GTPBP10: variants seen among roughly 807,000 people sequenced by gnomAD.
GTPBP10 encodes GTP binding protein 10, also known as GTP-binding protein 10.
In GTPBP10, 38 loss-of-function variants were observed where a neutral mutation model predicts 44.8. The observed-to-expected ratio is 0.85, with a 90% CI of 0.65 to 1.11. GTPBP10 has a LOEUF of 1.11. GTPBP10 is among the 50% of genes most tolerant of loss of function. The pLI is 0.00. For synonymous variants in GTPBP10, 152 were observed against 150.6 expected, an observed-to-expected ratio of 1.01 and a Z score of -0.07; for missense variants, 462 against 453.7, an observed-to-expected ratio of 1.02 and a Z score of -0.17.
chr7:90,369,220 G>T (rs1796202165), intron 4 of GTPBP10, among the ~76,000 whole-genome samples: 1 of 152,156 alleles, frequency 6.6e-6, no homozygotes, highest in Non-Finnish European at 1.5e-5. Context: ...GCCCCTACTG[G>T]GAGGTGTCTC....
chr7:90,370,784 T>A (rs1045696715), intron 4 of GTPBP10, among the ~76,000 whole-genome samples: 1 of 152,132 alleles, frequency 6.6e-6, no homozygotes, highest in Non-Finnish European at 1.5e-5. Context: ...GGTGGGCAGA[T>A]CACGAGGTCA....
chr7:90,350,060 A>C (rs1795759368), intron 1 of GTPBP10, among the ~76,000 whole-genome samples: 1 of 151,972 alleles, frequency 6.6e-6, no homozygotes, highest in Non-Finnish European at 1.5e-5. Flanking sequence ...TCCTAATGTT[A>C]TCTCTCACCC....
chr7:90,367,189 G>A (rs1280954847), intron 4 of GTPBP10, among the ~76,000 whole-genome samples: 1 of 152,152 alleles, frequency 6.6e-6, no homozygotes, highest in Non-Finnish European at 1.5e-5. Flanking sequence ...CATTTGCTGA[G>A]GAGTGTTTTA....
intron 4 of GTPBP10, among the ~76,000 whole-genome samples, chr7:90,361,779 A>G (rs563480119): frequency 4.6e-5 from 7 of 152,202 alleles, no homozygotes; most frequent in Non-Finnish European, 7.4e-5. Flanking sequence ...TTTGGTTGGT[A>G]GGCTATTAAT....
intron 4 of GTPBP10, among the ~76,000 whole-genome samples, chr7:90,365,838 G>C (rs899367820): frequency 2.0e-5 from 3 of 152,188 alleles, no homozygotes; most frequent in African/African-American, 7.2e-5. Flanking sequence ...TCCCTGTCTT[G>C]TGCCAGTTTT....
Position 90,384,015 on chromosome 7 carries a change from T to G in GTPBP10, c.902-877T>G, listed in dbSNP as rs1004600347. On this transcript the variant is annotated intron_variant, in intron 9 of 9. Transcript: ENST00000222511. The stretch of plus-strand genomic sequence containing the variant: ...AAATAGCCTTCATTCCTAATGACAT[T>G]TGCTTTGTATGGTCATTAGTTCTTT... 2.6e-5 allele frequency among the ~76,000 whole-genome samples: 4 copies of G among 152,184 alleles called. No individual in the cohort carries two copies. In the East Asian group the frequency reaches 5.8e-4, roughly 22 times the overall value.
chr7:90,354,600 A>G, intron 3 of GTPBP10, 51 bp downstream of exon 3: 1 of 909,938 alleles, frequency 1.1e-6, no homozygotes, highest in South Asian at 1.7e-5. Context: ...GTTTTCTAAA[A>G]TGAAACAATG....
intron 2 of GTPBP10, 109 bp from the exon 3 acceptor site, chr7:90,354,349 A>T (rs1795851132): frequency 6.3e-6 from 3 of 477,980 alleles, no homozygotes; most frequent in Admixed American, 3.6e-5. Flanking sequence ...CATCTGCGTT[A>T]ACCAGAGAAT....
chr7:90,358,296 T>A (rs1248414030), intron 4 of GTPBP10, among the ~76,000 whole-genome samples: 1 of 151,886 alleles, frequency 6.6e-6, no homozygotes. Context: ...CACAAACAAA[T>A]GGAAATACAT....
At chr7:90,350,722 G>A (rs1795775325) in intron 1 of GTPBP10, among the ~76,000 whole-genome samples, 1 of 152,116 alleles carries the variant, frequency 6.6e-6, no homozygotes, top group Admixed American at 6.5e-5. Context: ...ACACCTTTTG[G>A]CATAGCTGCT....
chr7:90,354,585 T>G (rs771282824), intron 3 of GTPBP10, 36 bp downstream of exon 3: 3 of 1,104,044 alleles, frequency 2.7e-6, no homozygotes, highest in Non-Finnish European at 3.9e-6. Flanking sequence ...TGTAAAAATG[T>G]GCACGTTTTC....
chr7:90,356,387 A>G (rs1231425329), intron 4 of GTPBP10, among the ~76,000 whole-genome samples: 2 of 152,246 alleles, frequency 1.3e-5, no homozygotes, highest in Non-Finnish European at 2.9e-5. Flanking sequence ...TATGGGCTTA[A>G]TAGGGTCTTA....
intron 4 of GTPBP10, among the ~76,000 whole-genome samples, chr7:90,365,127 C>T (rs1042952013): frequency 6.6e-6 from 1 of 152,092 alleles, no homozygotes; most frequent in Non-Finnish European, 1.5e-5. Context: ...GTGGGCTGCA[C>T]CCACTGTCCT....
intron 4 of GTPBP10, among the ~76,000 whole-genome samples, chr7:90,368,055 G>A (rs1183002200): frequency 6.6e-6 from 1 of 152,120 alleles, no homozygotes; most frequent in African/African-American, 2.4e-5. Flanking sequence ...AATTTGGCTG[G>A]ATATGAAATT....
intron 4 of GTPBP10, among the ~76,000 whole-genome samples, chr7:90,370,036 T>A (rs910130032): frequency 1.3e-5 from 2 of 152,136 alleles, no homozygotes; most frequent in African/African-American, 4.8e-5. Flanking sequence ...CAGTGAGGGA[T>A]GCAAAACTAC....
chr7:90,378,195 T>C lies in GTPBP10; in HGVS notation c.761T>C (p.Ile254Thr), dbSNP rs1796377254. ...CAATACAGGACAGCTTTTGAAACCA[T>C]AATACTGCTTACAAAAGTAGGTTTT... Reference protein sequence around the residue: ...HTQYRTAFETIILLTKELELY... With the variant: ...HTQYRTAFETTILLTKELELY... Residue 254 changes from isoleucine (I) to threonine (T), a missense_variant, in exon 8 of 10, where the codon ATA becomes ACA. Physicochemically the swap from Ile to Thr is moderately conservative, Grantham distance 89. Transcript: ENST00000222511. The C allele has an allele frequency of 1.2e-5, 20 of 1,612,476 alleles. No homozygotes were observed. The highest frequency in any genetic ancestry group is 1.6e-5 in the Non-Finnish European group (19 of 1,179,096).
At chr7:90,373,746 T>A (rs11563898) in intron 5 of GTPBP10, among the ~76,000 whole-genome samples, 30,270 of 152,172 alleles carry the variant, frequency 0.2, 3,158 homozygotes, top group African/African-American at 0.22. Context: ...CATCTATCAC[T>A]CACCTTAAAG....
intron 4 of GTPBP10, among the ~76,000 whole-genome samples, chr7:90,363,166 G>C (rs13230819): frequency 6.6e-6 from 1 of 152,128 alleles, no homozygotes; most frequent in Non-Finnish European, 1.5e-5. Context: ...TGTGAATTTG[G>C]TCCTGTCATT....
intron 4 of GTPBP10, among the ~76,000 whole-genome samples, chr7:90,355,675 C>A (rs557447051): frequency 6.6e-6 from 1 of 151,250 alleles, no homozygotes; most frequent in South Asian, 2.1e-4. Flanking sequence ...TGGCTAAAGA[C>A]CAGTACAGAC....
Sources: gnomAD v4.1 joint callset for allele counts (sites outside exome capture counted in the v4.1 genomes callset) on GRCh38, gnomAD v4.1.1 for gene constraint, MANE v1.5 for transcripts, NCBI Gene and HGNC (gene_info 2026-07-23, HGNC 2026-07-21) for gene names.